Variants in SYN3 observed in about 807,000 individuals in gnomAD.
The protein encoded by SYN3 is synapsin-3.
SYN3 carries 35 observed loss-of-function variants against 65.8 expected under a neutral mutation model. The ratio of observed to expected loss-of-function variants is 0.53; its 90% CI spans 0.41 to 0.70. The LOEUF (loss-of-function observed/expected upper bound fraction) is 0.70. Among genes scored for constraint, SYN3 ranks in the 30% least tolerant of loss-of-function variants. SYN3 has a pLI of 0.00. For missense variants in SYN3, 680 were observed against 749.0 expected, an observed-to-expected ratio of 0.91 and a Z score of 1.08; for synonymous variants, 270 against 292.9, an observed-to-expected ratio of 0.92 and a Z score of 0.80.
chr22:32,887,154 A>T (rs1006302138), intron 4 of SYN3, among the ~76,000 whole-genome samples: 2 of 152,284 alleles, frequency 1.3e-5, no homozygotes, highest in East Asian at 3.9e-4. Flanking sequence ...AGGTGGGAGG[A>T]TCGCTTGAGT....
At chr22:32,756,788 C>T (rs983904417) in intron 6 of SYN3, among the ~76,000 whole-genome samples, 6 of 152,186 alleles carry the variant, frequency 3.9e-5, no homozygotes, top group South Asian at 2.1e-4. Context: ...GAGCAGGTGT[C>T]GGGGCCAGTC....
At chr22:33,008,924 CAAAAAAAAAAAAAAAAAAAAAAAA>C (rs201719238) in intron 1 of SYN3, among the ~76,000 whole-genome samples, 6 of 57,066 alleles carry the variant, frequency 1.1e-4, no homozygotes, top group African/African-American at 2.6e-4. Flanking sequence ...GACTTTATCT[CAAAAAAAAAAAAAAAAAAAAAAAA>C]AAAAAAAAAA....
chr22:32,944,573 C>A (rs562471053), intron 3 of SYN3, among the ~76,000 whole-genome samples: 2 of 152,070 alleles, frequency 1.3e-5, no homozygotes, highest in African/African-American at 4.8e-5. Flanking sequence ...TATGACAAAC[C>A]CACAGCCAAT....
intron 3 of SYN3, among the ~76,000 whole-genome samples, chr22:32,942,363 C>T (rs570338911): frequency 1.3e-5 from 2 of 152,336 alleles, no homozygotes; most frequent in Admixed American, 6.5e-5. Flanking sequence ...CAGCAAACTC[C>T]AACAGACCTG....
intron 6 of SYN3, among the ~76,000 whole-genome samples, chr22:32,603,968 A>G (rs2059325894): frequency 6.6e-6 from 1 of 152,210 alleles, no homozygotes; most frequent in Admixed American, 6.5e-5. Context: ...AAAGAACCCA[A>G]AGAAACCAAA....
intron 6 of SYN3, among the ~76,000 whole-genome samples, chr22:32,619,566 T>C (rs138569521): frequency 4.9e-4 from 74 of 152,298 alleles, no homozygotes; most frequent in African/African-American, 1.7e-3. Context: ...CAAATTTTGG[T>C]TTGGAAAATA....
intron 4 of SYN3, among the ~76,000 whole-genome samples, chr22:32,897,710 T>C (rs2049635055): frequency 6.6e-6 from 1 of 152,180 alleles, no homozygotes; most frequent in Admixed American, 6.5e-5. Context: ...CTCACAGAGT[T>C]GTTAAGAGGA....
chr22:32,883,006 C>T (rs965195532), intron 4 of SYN3, among the ~76,000 whole-genome samples: 1 of 152,102 alleles, frequency 6.6e-6, no homozygotes, highest in Admixed American at 6.6e-5. Flanking sequence ...CCCATTTCCC[C>T]CTCCAGGCTG....
chr22:32,784,941 C>A (rs1336725112), intron 6 of SYN3: 2 of 152,226 alleles, frequency 1.3e-5, no homozygotes, highest in Non-Finnish European at 2.9e-5. Flanking sequence ...TGGGCTGGAT[C>A]TTCTGAGACA....
At chr22:32,564,300 G>C (rs1340281917) in intron 7 of SYN3, among the ~76,000 whole-genome samples, 1 of 152,154 alleles carries the variant, frequency 6.6e-6, no homozygotes, top group African/African-American at 2.4e-5. Context: ...GGCCCCGGGA[G>C]GGTTGAGTCA....
At chr22:32,944,072 G>C (rs2051029021) in intron 3 of SYN3, among the ~76,000 whole-genome samples, 1 of 152,114 alleles carries the variant, frequency 6.6e-6, no homozygotes. Context: ...TCCAGGAATT[G>C]AACTCAGCTC....
At chr22:32,778,448 C>A (rs1313069706) in intron 6 of SYN3, among the ~76,000 whole-genome samples, 1 of 123,172 alleles carries the variant, frequency 8.1e-6, no homozygotes, top group Non-Finnish European at 1.7e-5. Context: ...GCCACCATGT[C>A]CAGCTAATTT....
chr22:32,521,065 G>A (rs2057872730), intron 12 of SYN3, among the ~76,000 whole-genome samples: 1 of 152,172 alleles, frequency 6.6e-6, no homozygotes, highest in African/African-American at 2.4e-5. Flanking sequence ...GTATAGGCGA[G>A]TAGATGGGAG....
intron 7 of SYN3, among the ~76,000 whole-genome samples, chr22:32,569,557 CTCTCTCTCTCTCTCTATATA>C (rs748056594): frequency 0.061 from 4,665 of 76,626 alleles, 122 homozygotes; most frequent in Middle Eastern, 0.12. Flanking sequence ...CTCTCTCTCT[CTCTCTCTCTCTCTCTATATA>C]TATATATATA....
chr22:32,572,572 T>C (rs2058793367), intron 7 of SYN3, among the ~76,000 whole-genome samples: 1 of 147,814 alleles, frequency 6.8e-6, no homozygotes, highest in South Asian at 2.3e-4. Context: ...CTTCCTTCTC[T>C]TCTCTTCTCT....
At chr22:32,929,496 T>C (rs897621406) in intron 4 of SYN3, among the ~76,000 whole-genome samples, 1 of 152,192 alleles carries the variant, frequency 6.6e-6, no homozygotes, top group Admixed American at 6.5e-5. Flanking sequence ...CTAGCTATTA[T>C]ACAAAAAAAT....
At chr22:32,961,002 G>A (rs192642630) in intron 3 of SYN3, among the ~76,000 whole-genome samples, 1 of 152,152 alleles carries the variant, frequency 6.6e-6, no homozygotes, top group Non-Finnish European at 1.5e-5. Context: ...GGTACCCAAG[G>A]GGCTCCTTGC....
chr22:32,865,084 A>C, intron 5 of SYN3, 80 bp from the exon 6 acceptor site: 2 of 1,143,994 alleles, frequency 1.7e-6, no homozygotes, highest in South Asian at 2.5e-5. Context: ...TGAGGCCTCA[A>C]GCATCTGACT....
intron 6 of SYN3, among the ~76,000 whole-genome samples, chr22:32,683,027 G>A (rs1423950571): frequency 6.6e-6 from 1 of 152,164 alleles, no homozygotes; most frequent in Non-Finnish European, 1.5e-5. Flanking sequence ...CTACATTAGG[G>A]TCTTTCCTCC....
Sources: allele counts gnomAD v4.1 joint callset (sites outside exome capture counted in the v4.1 genomes callset), GRCh38; gene constraint gnomAD v4.1.1; transcripts MANE v1.5; gene names NCBI Gene and HGNC (gene_info 2026-07-23, HGNC 2026-07-21).